Variants in ATXN7L1 observed in about 807,000 individuals in gnomAD.
ATXN7L1 encodes the protein ataxin 7 like 1.
A neutral mutation model predicts 70.8 loss-of-function variants in ATXN7L1; 15 were observed. The ratio of observed to expected loss-of-function variants is 0.21; its 90% CI spans 0.14 to 0.33. ATXN7L1 has a LOEUF of 0.33. ATXN7L1 is among the 10% of genes least tolerant of loss of function. The pLI, the probability that ATXN7L1 is intolerant of heterozygous loss-of-function variation, is 1.00. For synonymous variants in ATXN7L1, 440 were observed against 445.1 expected, an observed-to-expected ratio of 0.99 and a Z score of 0.14; for missense variants, 975 against 1,097.1, an observed-to-expected ratio of 0.89 and a Z score of 1.57.
chr7:105,865,247 C>T (rs1166881673), intron 2 of ATXN7L1, among the ~76,000 whole-genome samples: 1 of 152,154 alleles, frequency 6.6e-6, no homozygotes, highest in African/African-American at 2.4e-5. Context: ...ATTATTCCTA[C>T]TCTGGAAAAG....
intron 3 of ATXN7L1, among the ~76,000 whole-genome samples, chr7:105,735,412 T>A (rs1285425510): frequency 6.6e-6 from 1 of 152,194 alleles, no homozygotes; most frequent in Non-Finnish European, 1.5e-5. Context: ...TGTATTATTA[T>A]TATTTTTTTA....
At chr7:105,755,331 G>A (rs531792464) in intron 3 of ATXN7L1, among the ~76,000 whole-genome samples, 47 of 152,330 alleles carry the variant, frequency 3.1e-4, no homozygotes, top group African/African-American at 1.1e-3. Flanking sequence ...AACAGGTATA[G>A]AGGAAATGGG....
intron 4 of ATXN7L1, among the ~76,000 whole-genome samples, chr7:105,663,819 G>A (rs572158299): frequency 1.1e-3 from 161 of 151,994 alleles, no homozygotes; most frequent in Middle Eastern, 3.4e-3. Context: ...AGGCTGGAGC[G>A]CAGTGGCACA....
chr7:105,720,052 G>C (rs948683341), intron 3 of ATXN7L1, among the ~76,000 whole-genome samples: 38 of 152,154 alleles, frequency 2.5e-4, no homozygotes, highest in African/African-American at 8.7e-4. Context: ...TAAGAAGCCT[G>C]GTGGCATAGT....
chr7:105,752,004 A>C (rs1799275339), intron 3 of ATXN7L1, among the ~76,000 whole-genome samples: 1 of 152,272 alleles, frequency 6.6e-6, no homozygotes, highest in South Asian at 2.1e-4. Flanking sequence ...CAGTACAGAC[A>C]TATCTATCAG....
At position 105,666,665 on chromosome 7, in the gene ATXN7L1, G is replaced by T. The variant is rs148011249; in HGVS notation, c.356-1377C>A. ...GCAGATTTTTGAGGATCATCCAATT[G>T]CTGGGTTTCTTTGCTTGACCAGTGC... is the stretch of plus-strand genomic sequence containing the variant. On this transcript the variant is annotated intron_variant, in intron 3 of 11. Transcript: ENST00000419735. 7.1e-3 allele frequency among the ~76,000 whole-genome samples: 1,076 copies of T among 152,314 alleles called. 14 individuals carry two copies. Among genetic ancestry groups the T allele is most frequent in the African/African-American group, 0.024 (1,008 of 41,560 alleles).
intron 3 of ATXN7L1, among the ~76,000 whole-genome samples, chr7:105,722,672 A>G (rs1036137655): frequency 1.4e-5 from 2 of 144,784 alleles, no homozygotes; most frequent in African/African-American, 5.2e-5. Context: ...TGAGGTCAGG[A>G]GTTCGAGACC....
chr7:105,624,166 C>G lies in ATXN7L1; in HGVS notation c.1304G>C (p.Arg435Pro). The change falls in exon 8 of 12, where the codon CGA becomes CCA. Residue 435 changes from arginine (R) to proline (P), a missense_variant. Physicochemically the swap from Arg to Pro is moderately radical, Grantham distance 103. Around this residue, in one of 5 missense-constraint regions of ATXN7L1, gnomAD observed 635 missense variants for 699.4 expected, o/e 0.91. Transcript: ENST00000419735. ...CATCTCCCCTTCATCACTGGACAGT[C>G]GGCTGGCGAGGTCACCTCCAACCGG... ...LPPVGGDLASRLSSDEGEMDG... is the reference protein window; with the variant it reads ...LPPVGGDLASPLSSDEGEMDG... The G allele has an allele frequency of 6.5e-7, 1 of 1,533,224 alleles. No individual in the cohort carries two copies. Among genetic ancestry groups the G allele is most frequent in the Non-Finnish European group, 8.8e-7 (1 of 1,136,808 alleles). 95.0% of individuals were successfully genotyped at this position (1,533,224 alleles called of 1,614,324 possible). A position where few individuals can be genotyped will look rare whatever the true frequency, so the allele number is the denominator to read the frequency against.
chr7:105,722,118 C>T (rs1334472337), intron 3 of ATXN7L1, among the ~76,000 whole-genome samples: 1 of 152,202 alleles, frequency 6.6e-6, no homozygotes. Context: ...ATAACCTGCT[C>T]TTCACAGTGG....
intron 3 of ATXN7L1, among the ~76,000 whole-genome samples, chr7:105,694,446 A>G (rs1791446737): frequency 1.3e-5 from 2 of 152,138 alleles, no homozygotes; most frequent in African/African-American, 4.8e-5. Context: ...TGTCTCTTTC[A>G]TGCACATTAC....
intron 2 of ATXN7L1, among the ~76,000 whole-genome samples, chr7:105,807,031 G>A (rs1807719620): frequency 6.6e-6 from 1 of 152,170 alleles, no homozygotes; most frequent in Non-Finnish European, 1.5e-5. Context: ...CTGGCCTCCT[G>A]GGCCAGGGCA....
intron 2 of ATXN7L1, among the ~76,000 whole-genome samples, chr7:105,836,392 C>T (rs1054947562): frequency 3.9e-5 from 6 of 152,094 alleles, no homozygotes; most frequent in Admixed American, 1.3e-4. Flanking sequence ...GAAAAACAAC[C>T]GAACAAATGA....
chr7:105,679,772 A>C (rs1024549326), intron 3 of ATXN7L1, among the ~76,000 whole-genome samples: 47 of 152,106 alleles, frequency 3.1e-4, no homozygotes, highest in Non-Finnish European at 1.0e-4. Flanking sequence ...TGTCAGGGGC[A>C]GGCTGGGAAA....
rs1228623804 is a variant in ATXN7L1, at chr7:105,639,599, G to A, written c.863-30C>T. 11 of 1,464,986 alleles carry A rather than the reference G, an allele frequency of 7.5e-6. No homozygotes were observed. The Admixed American group carries it at 1.7e-4, about 22-fold the overall frequency. 90.7% of individuals were successfully genotyped at this position (1,464,986 alleles called of 1,614,324 possible). ...TTTAAGAAACAAACAAAAAATATAA[G>A]AAAAAAGGAGACTAAATAGGATTTG... On this transcript the variant is annotated intron_variant, in intron 5 of 11. Coordinates refer to ENST00000419735, the MANE Select transcript of ATXN7L1 (RefSeq NM_020725.2).
chr7:105,649,602 C>A (rs186185491), intron 4 of ATXN7L1: 2 of 987,526 alleles, frequency 2.0e-6, no homozygotes, highest in East Asian at 1.1e-4. Context: ...GGTGCCATTG[C>A]AAGAGCCACC....
intron 3 of ATXN7L1, among the ~76,000 whole-genome samples, chr7:105,741,860 G>C (rs146381159): frequency 6.6e-6 from 1 of 152,280 alleles, no homozygotes; most frequent in Non-Finnish European, 1.5e-5. Context: ...AGATGGGGGT[G>C]AGGCATCTAC....
At chr7:105,621,065 A>T (rs1034925818) in intron 8 of ATXN7L1, among the ~76,000 whole-genome samples, 2 of 152,072 alleles carry the variant, frequency 1.3e-5, no homozygotes, top group African/African-American at 4.8e-5. Flanking sequence ...TTCCTATCTG[A>T]TGTCAACAGA....
intron 7 of ATXN7L1, among the ~76,000 whole-genome samples, chr7:105,624,899 C>T (rs748831139): frequency 3.3e-5 from 5 of 152,212 alleles, no homozygotes; most frequent in Non-Finnish European, 7.3e-5. Context: ...ACTGAACCTA[C>T]ACCAGTCTTC....
intron 9 of ATXN7L1, chr7:105,617,702 G>A (rs117933980): frequency 0.031 from 10,828 of 349,352 alleles, 233 homozygotes; most frequent in South Asian, 0.043. Context: ...CTGGCCCAGG[G>A]AAGTCCCACA....
Sources: allele counts gnomAD v4.1 joint callset (sites outside exome capture counted in the v4.1 genomes callset), GRCh38; gene constraint gnomAD v4.1.1; regional missense constraint gnomAD v4.1.1; transcripts MANE v1.5; gene names NCBI Gene and HGNC (gene_info 2026-07-23, HGNC 2026-07-21).